The following CRYBG1 variants were observed in gnomAD, a reference collection of about 807,000 sequenced individuals.
CRYBG1 encodes the protein crystallin beta-gamma domain containing 1, also known as beta/gamma crystallin domain-containing protein 1.
CRYBG1 carries 139 observed loss-of-function variants against 189.2 expected under a neutral mutation model. The observed-to-expected ratio is 0.73, with a 90% CI of 0.64 to 0.85. CRYBG1 has a LOEUF of 0.85. Among genes scored for constraint, CRYBG1 ranks in the 40% least tolerant of loss-of-function variants. The pLI, the probability that CRYBG1 is intolerant of heterozygous loss-of-function variation, is 0.00. For synonymous variants in CRYBG1, 1,023 were observed against 1,017.1 expected (o/e 1.01, Z -0.11); for missense variants, 2,611 against 2,675.8 (o/e 0.98, Z 0.53).
intron 2 of CRYBG1, among the ~76,000 whole-genome samples, chr6:106,464,778 ACTT>A (rs1299944761): frequency 6.6e-6 from 1 of 152,220 alleles, no homozygotes; most frequent in Non-Finnish European, 1.5e-5. Flanking sequence ...ATATCAAAAT[ACTT>A]CTTCCGAGAA....
rs372581686 is a variant in CRYBG1 at position 106,544,786 on chromosome 6, A to G, written c.5167-2A>G. ...TGAATTTTGAATTTTTTTTCTCAAT[A>G]GGATTTTTCAAATGCTCACATGATA... On this transcript the variant is annotated splice_acceptor_variant, in intron 12 of 21. Coordinates refer to ENST00000633556, the MANE Select transcript of CRYBG1 (RefSeq NM_001371242.2). LOFTEE classifies it high-confidence loss of function. 1.9e-6 allele frequency: 3 copies of G among 1,601,718 alleles called. No homozygotes were observed. The highest frequency in any genetic ancestry group is 2.5e-6 in the Non-Finnish European group (3 of 1,176,706).
rs1018039182 is a variant in CRYBG1 at position 106,511,730 on chromosome 6, GC to G, written c.620del (p.Pro207LeufsTer29). 3.0e-5 allele frequency: 46 copies of G among 1,535,082 alleles called. No individual in the cohort carries two copies. Among genetic ancestry groups the G allele is most frequent in the African/African-American group, 5.5e-5 (4 of 72,914 alleles). ...GELPESGGPAAPPDAELSPRW... is the reference protein window; with the variant it reads ...GELPESGGPAXPPDAELSPRW... ...GCTCCCCGAGAGCGGTGGCCCCGCA[GC>G]CCCCCCTGACGCCGAGCTGTCACCT... is the stretch of plus-strand genomic sequence containing the variant. On this transcript the variant is annotated frameshift_variant, in exon 3 of 22. Transcript: ENST00000633556. LOFTEE classifies it high-confidence loss of function.
At chr6:106,433,194 A>ATAAGAGTTGTT (rs1771369727) in intron 1 of CRYBG1, among the ~76,000 whole-genome samples, 1 of 152,178 alleles carries the variant, frequency 6.6e-6, no homozygotes. Context: ...AAAAAATAAA[A>ATAAGAGTTGTT]CAACTCTTAT....
intron 1 of CRYBG1, among the ~76,000 whole-genome samples, chr6:106,403,123 C>T (rs568252329): frequency 2.4e-4 from 37 of 152,180 alleles, no homozygotes; most frequent in South Asian, 1.0e-3. Flanking sequence ...TTGCTTGAGG[C>T]CAGAAGTTTG....
Position 106,551,854 on chromosome 6 carries a change from G to A in CRYBG1, c.5315G>A (p.Trp1772Ter). Reference protein sequence around the residue: ...TQSINVLSGVWVAYENPDFTG... With the variant: ...TQSINVLSGV ...AAGTGATTGCTTTTGTTTCTTAGAT[G>A]GGTAGCCTATGAAAATCCTGACTTC... Residue 1772 changes from tryptophan to a stop codon, truncating the protein, a stop_gained and splice_region_variant, in exon 14 of 22, where the codon TGG becomes TAG. Coordinates refer to ENST00000633556, the MANE Select transcript of CRYBG1 (RefSeq NM_001371242.2). LOFTEE classifies it high-confidence loss of function. The A allele has an allele frequency of 6.2e-7, 1 of 1,611,472 alleles. No homozygotes were observed. The highest frequency in any genetic ancestry group is 1.1e-5 in the South Asian group (1 of 90,722).
rs557193449 is a variant in CRYBG1 at position 106,538,422 on chromosome 6, C to A, written c.4719-981C>A. The stretch of plus-strand genomic sequence containing the variant: ...TGTGGTATTGAAAAGCCATAACAAT[C>A]AGAACCAAGAACTCAAAAAGCTTTG... On this transcript the variant is annotated intron_variant, in intron 8 of 21. Coordinates refer to ENST00000633556, the MANE Select transcript of CRYBG1 (RefSeq NM_001371242.2). 2.0e-5 allele frequency among the ~76,000 whole-genome samples: 3 copies of A among 152,242 alleles called. No homozygotes were observed. In the East Asian group the frequency reaches 5.8e-4, roughly 29 times the overall value.
intron 2 of CRYBG1, among the ~76,000 whole-genome samples, chr6:106,493,268 C>T (rs1772765466): frequency 6.6e-6 from 1 of 152,132 alleles, no homozygotes; most frequent in South Asian, 2.1e-4. Flanking sequence ...CATTATTAAT[C>T]ATTAGAGAAA....
At position 106,519,201 on chromosome 6, in the gene CRYBG1, C is replaced by T. The variant is rs766941949; in HGVS notation, c.1993C>T (p.His665Tyr). 1.5e-5 allele frequency: 25 copies of T among 1,613,946 alleles called. No homozygotes were observed. Among genetic ancestry groups the T allele is most frequent in the Non-Finnish European group, 2.0e-5 (24 of 1,180,026 alleles). The part of the protein sequence containing the change: ...PKNLDSLGNE[H>Y]NPFSQPVHKG... ...GAATCTTGACAGTTTGGGAAATGAG[C>T]ACAATCCATTTAGCCAGCCAGTTCA... The change falls in exon 4 of 22, where the codon CAC becomes TAC. Residue 665 changes from histidine (H) to tyrosine (Y), a missense_variant. Transcript: ENST00000633556.
chr6:106,557,961 C>T (rs1774595284), intron 17 of CRYBG1, among the ~76,000 whole-genome samples: 1 of 151,734 alleles, frequency 6.6e-6, no homozygotes, highest in Non-Finnish European at 1.5e-5. Flanking sequence ...ATGATTCCTA[C>T]AGGAAAGTTT....
chr6:106,437,635 C>T (rs1771484332), intron 1 of CRYBG1, among the ~76,000 whole-genome samples: 2 of 152,126 alleles, frequency 1.3e-5, no homozygotes, highest in African/African-American at 4.8e-5. Flanking sequence ...CAGGGTGTTG[C>T]TATGTTGCCC....
At chr6:106,372,273 T>A (rs74734910) in intron 1 of CRYBG1, among the ~76,000 whole-genome samples, 1 of 149,592 alleles carries the variant, frequency 6.7e-6, no homozygotes, top group Non-Finnish European at 1.5e-5. Context: ...TTTTTTTTTT[T>A]AGATAGGGTC....
intron 1 of CRYBG1, among the ~76,000 whole-genome samples, chr6:106,429,926 T>C (rs2114402091): frequency 6.6e-6 from 1 of 152,308 alleles, no homozygotes. Flanking sequence ...TGATTCTTTA[T>C]TTGTCCTCTC....
In CRYBG1 at chr6:106,543,594, G is replaced by A. The variant is rs768281884; in HGVS notation, c.5036G>A (p.Gly1679Asp). The stretch of plus-strand genomic sequence containing the variant: ...GTGGGGTCTATGAAAGTTCTAAGAG[G>A]CATGTAAGTACATGGGTGACTTGTT... The part of the protein sequence containing the change: ...TSVGSMKVLR[G>D]IWVAYEKPGF... The change falls in exon 11 of 22, where the codon GGC (glycine) becomes GAC (aspartate). Residue 1679 changes from glycine (G) to aspartate (D), a missense_variant. Around this residue, in one of 3 missense-constraint regions of CRYBG1, gnomAD observed 1,622 missense variants for 1,735.0 expected, o/e 0.93. Transcript: ENST00000633556. 41 of 1,613,064 alleles carry A rather than the reference G, an allele frequency of 2.5e-5. No individual in the cohort carries two copies. Among genetic ancestry groups the A allele is most frequent in the Non-Finnish European group, 3.5e-5 (41 of 1,179,556 alleles).
chr6:106,431,068 G>A lies in CRYBG1; in HGVS notation c.174-20626G>A, dbSNP rs561290553. On this transcript the variant is annotated intron_variant, in intron 1 of 21. Coordinates refer to ENST00000633556, the MANE Select transcript of CRYBG1 (RefSeq NM_001371242.2). ...GTAGAGATGGGGTTTCACCATGTCAGCCAGGCTGGTCTCAAACTCCTGACC... is the reference window on the plus strand; with the variant it reads ...GTAGAGATGGGGTTTCACCATGTCAACCAGGCTGGTCTCAAACTCCTGACC... 2.0e-5 allele frequency among the ~76,000 whole-genome samples: 3 copies of A among 152,128 alleles called. No homozygotes were observed. In the South Asian group the frequency reaches 6.2e-4, roughly 32 times the overall value.
chr6:106,507,717 G>C (rs1773161766), intron 2 of CRYBG1, among the ~76,000 whole-genome samples: 1 of 152,178 alleles, frequency 6.6e-6, no homozygotes, highest in Non-Finnish European at 1.5e-5. Context: ...CTGAACAATG[G>C]AAAGAAACAA....
chr6:106,559,775 A>G (rs993382197), intron 18 of CRYBG1, among the ~76,000 whole-genome samples: 3 of 151,664 alleles, frequency 2.0e-5, no homozygotes, highest in African/African-American at 7.3e-5. Flanking sequence ...GACAAGAGTG[A>G]AACTCCATCT....
chr6:106,463,556 A>G (rs1042132652), intron 2 of CRYBG1, among the ~76,000 whole-genome samples: 4 of 152,212 alleles, frequency 2.6e-5, no homozygotes, highest in Non-Finnish European at 4.4e-5. Flanking sequence ...TTTTAAATAT[A>G]TGTGTTTGTA....
chr6:106,442,660 C>T (rs1771585995), intron 1 of CRYBG1, among the ~76,000 whole-genome samples: 1 of 152,142 alleles, frequency 6.6e-6, no homozygotes, highest in Non-Finnish European at 1.5e-5. Context: ...ATCAAACCAC[C>T]TTTGCAGAAA....
Position 106,544,786 on chromosome 6 carries a change from A to C in CRYBG1, c.5167-2A>C, listed in dbSNP as rs372581686. On this transcript the variant is annotated splice_acceptor_variant, in intron 12 of 21. Coordinates refer to ENST00000633556, the MANE Select transcript of CRYBG1 (RefSeq NM_001371242.2). LOFTEE classifies it high-confidence loss of function. ...TGAATTTTGAATTTTTTTTCTCAAT[A>C]GGATTTTTCAAATGCTCACATGATA... The C allele has an allele frequency of 1.2e-6, 2 of 1,601,718 alleles. No individual in the cohort carries two copies. The highest frequency in any genetic ancestry group is 1.4e-5 in the African/African-American group (1 of 73,880).
Sources: gnomAD v4.1 joint callset for allele counts (sites outside exome capture counted in the v4.1 genomes callset) on GRCh38, gnomAD v4.1.1 for gene constraint, gnomAD v4.1.1 regional missense constraint, MANE v1.5 for transcripts, NCBI Gene and HGNC (gene_info 2026-07-23, HGNC 2026-07-21) for gene names.